The following SCAPER variants were observed in gnomAD, a reference collection of about 807,000 sequenced individuals.
SCAPER encodes S phase cyclin A-associated protein in the endoplasmic reticulum.
A neutral mutation model predicts 182.2 loss-of-function variants in SCAPER; 98 were observed. That is an observed-to-expected ratio of 0.54 (90% CI 0.46 to 0.64). The LOEUF (loss-of-function observed/expected upper bound fraction) is 0.64. SCAPER is among the 30% of genes least tolerant of loss of function. The probability of loss-of-function intolerance (pLI) is 0.00; values close to 1 mark genes in which losing one functional copy is unlikely to be tolerated. For missense variants in SCAPER, 1,432 were observed against 1,690.0 expected (o/e 0.85, Z 2.68); for synonymous variants, 605 against 564.6 (o/e 1.07, Z -1.01).
At chr15:76,505,049 G>A in intron 23 of SCAPER, 75 bp from the exon 24 acceptor site, 1 of 947,002 alleles carries the variant, frequency 1.1e-6, no homozygotes. Flanking sequence ...TCTGTAGTCT[G>A]AAACATACTG....
chr15:76,898,964 T>C (rs1343978566), intron 1 of SCAPER, among the ~76,000 whole-genome samples: 1 of 152,208 alleles, frequency 6.6e-6, no homozygotes, highest in East Asian at 1.9e-4. Context: ...GCAAGCTATG[T>C]CCTAATCCAA....
intron 23 of SCAPER, among the ~76,000 whole-genome samples, chr15:76,552,559 C>T (rs1051657040): frequency 2.0e-5 from 3 of 152,112 alleles, no homozygotes; most frequent in African/African-American, 7.2e-5. Context: ...TAAGCACTGG[C>T]CCCCTCTTGC....
intron 26 of SCAPER, among the ~76,000 whole-genome samples, chr15:76,419,241 A>T (rs1415439733): frequency 5.9e-5 from 9 of 151,984 alleles, no homozygotes; most frequent in Admixed American, 5.9e-4. Context: ...TGGCAGGAGA[A>T]TCGCTTGAAC....
intron 5 of SCAPER, among the ~76,000 whole-genome samples, chr15:76,832,232 A>C (rs2068549209): frequency 6.6e-6 from 1 of 152,238 alleles, no homozygotes; most frequent in Non-Finnish European, 1.5e-5. Context: ...ACGCAAGGTA[A>C]ACAGTGACAC....
chr15:76,581,246 ATCTTAT>A (rs2048248231), intron 22 of SCAPER, among the ~76,000 whole-genome samples: 1 of 152,232 alleles, frequency 6.6e-6, no homozygotes, highest in African/African-American at 2.4e-5. Context: ...AGTAATATCA[ATCTTAT>A]CAATCTTACT....
At chr15:76,450,908 G>GTGTA (rs1290684171) in intron 25 of SCAPER, among the ~76,000 whole-genome samples, 3 of 152,178 alleles carry the variant, frequency 2.0e-5, no homozygotes, top group Non-Finnish European at 4.4e-5. Context: ...CATTTGAAGT[G>GTGTA]TACACTTGGA....
At chr15:76,811,351 A>G (rs2066606223) in intron 5 of SCAPER, among the ~76,000 whole-genome samples, 1 of 152,204 alleles carries the variant, frequency 6.6e-6, no homozygotes, top group African/African-American at 2.4e-5. Context: ...AAAAAAAGGC[A>G]GTGAGGAGTC....
intron 27 of SCAPER, among the ~76,000 whole-genome samples, chr15:76,398,554 T>C (rs2142084592): frequency 6.6e-6 from 1 of 152,318 alleles, no homozygotes; most frequent in East Asian, 1.9e-4. Flanking sequence ...AACAAATGGT[T>C]TTCAAGCACC....
At chr15:76,352,853 T>C (rs2040674396) in intron 30 of SCAPER, among the ~76,000 whole-genome samples, 2 of 152,214 alleles carry the variant, frequency 1.3e-5, no homozygotes, top group African/African-American at 4.8e-5. Context: ...CTTAAGATAT[T>C]AACTATAAGA....
rs1172559472 is a variant in SCAPER at position 76,600,376 on chromosome 15, AGTGTGTGTATATGTGTGT to A, written c.2711+21370_2711+21387del. Among the ~76,000 whole-genome samples the A allele has an allele frequency of 3.3e-4, 25 of 75,756 alleles. 5 individuals are homozygous for A. The highest frequency in any genetic ancestry group is 8.2e-4 in the African/African-American group (25 of 30,396). The allele number at this position is 75,756 out of a possible 152,430, so 49.7% of individuals were successfully genotyped here. A position where few individuals can be genotyped will look rare whatever the true frequency, so the allele number is the denominator to read the frequency against. On this transcript the variant is annotated intron_variant, in intron 22 of 31. Transcript: ENST00000563290. ...TAATAGAAAAATAGCATACTTGGAA[AGTGTGTGTATATGTGTGT>A]GTGTGTGTGTGTGTGTGTGTGTGTG...
At chr15:76,481,713 G>C (rs2051156902) in intron 24 of SCAPER, among the ~76,000 whole-genome samples, 1 of 152,136 alleles carries the variant, frequency 6.6e-6, no homozygotes, top group Non-Finnish European at 1.5e-5. Flanking sequence ...CTGCAATTCT[G>C]ACATTTATAG....
intron 17 of SCAPER, among the ~76,000 whole-genome samples, chr15:76,706,618 G>A (rs1056777964): frequency 6.6e-6 from 1 of 152,016 alleles, no homozygotes; most frequent in African/African-American, 2.4e-5. Flanking sequence ...CTCCCTAGAG[G>A]GTCTGAACAA....
chr15:76,738,775 T>C (rs558574037), intron 15 of SCAPER, among the ~76,000 whole-genome samples: 95 of 152,124 alleles, frequency 6.2e-4, no homozygotes, highest in Non-Finnish European at 1.1e-3. Flanking sequence ...ACTCCAAAGA[T>C]CACTTATCAC....
chr15:76,888,431 A>G (rs1375764692), intron 1 of SCAPER, among the ~76,000 whole-genome samples: 1 of 152,214 alleles, frequency 6.6e-6, no homozygotes, highest in Non-Finnish European at 1.5e-5. Context: ...ACCTTGAAAA[A>G]AGGTTAGACG....
intron 23 of SCAPER, among the ~76,000 whole-genome samples, chr15:76,525,117 T>A (rs2043106460): frequency 6.6e-6 from 1 of 152,142 alleles, no homozygotes; most frequent in South Asian, 2.1e-4. Context: ...CTTTATGACA[T>A]CATTAGCCCC....
chr15:76,512,824 T>C (rs1184380094), intron 23 of SCAPER, among the ~76,000 whole-genome samples: 3 of 149,426 alleles, frequency 2.0e-5, no homozygotes, highest in Non-Finnish European at 4.4e-5. Context: ...TAATGTACTA[T>C]TGGAAACTGA....
At chr15:76,883,746 AG>A (rs1282243274) in intron 2 of SCAPER, 65 bp downstream of exon 2, 7 of 1,281,830 alleles carry the variant, frequency 5.5e-6, no homozygotes, top group Non-Finnish European at 7.5e-6. Context: ...ACATTAAAAA[AG>A]ATAAAAGAAA....
intron 26 of SCAPER, among the ~76,000 whole-genome samples, chr15:76,417,700 T>A (rs1263210534): frequency 1.3e-5 from 2 of 152,086 alleles, no homozygotes; most frequent in Non-Finnish European, 2.9e-5. Flanking sequence ...CTTGAATACA[T>A]GTCTTATGTT....
At chr15:76,591,134 A>G (rs2049072043) in intron 22 of SCAPER, among the ~76,000 whole-genome samples, 2 of 152,218 alleles carry the variant, frequency 1.3e-5, no homozygotes, top group South Asian at 2.1e-4. Flanking sequence ...ACTATGAAAT[A>G]TATCTTTGTA....
Sources: allele counts gnomAD v4.1 joint callset (sites outside exome capture counted in the v4.1 genomes callset), GRCh38; gene constraint gnomAD v4.1.1; transcripts MANE v1.5; gene names NCBI Gene and HGNC (gene_info 2026-07-23, HGNC 2026-07-21).